SMPX: variants seen among roughly 807,000 people sequenced by gnomAD.
The protein encoded by SMPX is small muscular protein.
A neutral mutation model predicts 6.3 loss-of-function variants in SMPX; 2 were observed. The observed-to-expected ratio is 0.32, with a 90% CI of 0.13 to 0.99. The LOEUF (loss-of-function observed/expected upper bound fraction) is 0.99, where lower values mean the gene tolerates loss of function less well. SMPX is among the 50% of genes least tolerant of loss of function. SMPX has a pLI of 0.49. For synonymous variants in SMPX, 32 were observed against 24.7 expected, an observed-to-expected ratio of 1.30 and a Z score of -0.88; for missense variants, 60 against 66.8, an observed-to-expected ratio of 0.90 and a Z score of 0.36.
At chrX:21,731,562 TTATGTGTA>T (rs199796244) in intron 4 of SMPX, among the ~76,000 whole-genome samples, 4,713 of 51,043 alleles carry the variant, frequency 0.092, 714 homozygotes, top group East Asian at 0.25. Context: ...TATATACACA[TTATGTGTA>T]TATGTGTATA....
chrX:21,717,855 G>T (rs972873142), intron 4 of SMPX, among the ~76,000 whole-genome samples: 1 of 112,171 alleles, frequency 8.9e-6, no homozygotes, highest in Non-Finnish European at 1.9e-5. Flanking sequence ...TAATGAATAC[G>T]GGAGGGAACA....
intron 4 of SMPX, among the ~76,000 whole-genome samples, chrX:21,722,923 T>C (rs2092793301): frequency 8.9e-6 from 1 of 111,916 alleles, no homozygotes; most frequent in South Asian, 3.8e-4. Context: ...TGCCTGACCA[T>C]TGGAAGCACT....
intron 4 of SMPX, among the ~76,000 whole-genome samples, chrX:21,719,548 G>GAA (rs1006812828): frequency 9.1e-6 from 1 of 109,377 alleles, no homozygotes; most frequent in African/African-American, 3.3e-5. Context: ...AGAAAAGAAA[G>GAA]AAAGAAAGAA....
At chrX:21,717,742 C>T (rs1473186292) in intron 4 of SMPX, among the ~76,000 whole-genome samples, 1 of 112,283 alleles carries the variant, frequency 8.9e-6, no homozygotes, top group African/African-American at 3.2e-5. Context: ...CTGGGACAAA[C>T]ACAGGAAGCC....
At position 21,732,424 on chromosome X, in the gene SMPX, A is replaced by G. The variant is rs530795154; in HGVS notation, c.*14+5125T>C. On this transcript the variant is annotated intron_variant, in intron 4 of 4. Coordinates refer to ENST00000379494, the MANE Select transcript of SMPX (RefSeq NM_014332.3). ...GGCCCATTACTGATTTTGGTCAACA[A>G]TGTTAACTATGGACCTTTTGAGAGA... Among the ~76,000 whole-genome samples the G allele has an allele frequency of 2.7e-4, 30 of 111,928 alleles. No homozygotes were observed. The South Asian group carries it at 0.01, about 38-fold the overall frequency.
chrX:21,712,850 A>G, intron 4 of SMPX, among the ~76,000 whole-genome samples: 1 of 112,640 alleles, frequency 8.9e-6, no homozygotes, highest in African/African-American at 3.2e-5. Context: ...GCATAGAGAC[A>G]ATGGTGATTG....
At chrX:21,747,255 AGGTT>A (rs2092822581) in intron 2 of SMPX, among the ~76,000 whole-genome samples, 1 of 109,864 alleles carries the variant, frequency 9.1e-6, no homozygotes, top group Non-Finnish European at 1.9e-5. Context: ...TCCCTCCCTG[AGGTT>A]TATTCATTTT....
chrX:21,731,534 A>G (rs1569306562), intron 4 of SMPX, among the ~76,000 whole-genome samples: 1 of 84,351 alleles, frequency 1.2e-5, no homozygotes. Flanking sequence ...ACACATACAC[A>G]TTATGTGTGT....
intron 4 of SMPX, among the ~76,000 whole-genome samples, chrX:21,737,036 G>A (rs773314688): frequency 8.9e-6 from 1 of 111,843 alleles, no homozygotes; most frequent in African/African-American, 3.2e-5. Context: ...ACCTAGAGTC[G>A]TTATGGCATC....
intron 4 of SMPX, among the ~76,000 whole-genome samples, chrX:21,714,939 A>ATGTT (rs751455134): frequency 1.8e-5 from 2 of 111,478 alleles, no homozygotes; most frequent in African/African-American, 3.3e-5. Context: ...TTGCTATTTA[A>ATGTT]TGTTTGTTTG....
At chrX:21,726,933 G>C (rs2092797582) in intron 4 of SMPX, among the ~76,000 whole-genome samples, 1 of 112,020 alleles carries the variant, frequency 8.9e-6, no homozygotes, top group African/African-American at 3.2e-5. Flanking sequence ...ATCCTGTCTA[G>C]ACTCTTTCTT....
chrX:21,754,114 T>C (rs2092830256), intron 2 of SMPX, 132 bp downstream of exon 2: 1 of 610,582 alleles, frequency 1.6e-6, no homozygotes, highest in South Asian at 2.3e-5. Flanking sequence ...TTTATATCCT[T>C]TCTCAATTGT....
chrX:21,733,868 C>T (rs2092807702), intron 4 of SMPX: 3 of 264,020 alleles, frequency 1.1e-5, no homozygotes, highest in Non-Finnish European at 2.1e-5. Flanking sequence ...CTAGACTGGT[C>T]TAATTATTAA....
chrX:21,725,722 CTGG>C (rs1250105367), intron 4 of SMPX, among the ~76,000 whole-genome samples: 1 of 112,311 alleles, frequency 8.9e-6, no homozygotes, highest in Non-Finnish European at 1.9e-5. Flanking sequence ...ATCTCATGAA[CTGG>C]CTCAAGCTCA....
At chrX:21,742,178 C>G (rs940184666) in intron 3 of SMPX, among the ~76,000 whole-genome samples, 4 of 111,887 alleles carry the variant, frequency 3.6e-5, no homozygotes, top group African/African-American at 1.3e-4. Flanking sequence ...GTGACAGACA[C>G]AGTTTAAGAG....
At chrX:21,721,780 GT>G (rs1220426233) in intron 4 of SMPX, among the ~76,000 whole-genome samples, 1 of 112,338 alleles carries the variant, frequency 8.9e-6, no homozygotes, top group Non-Finnish European at 1.9e-5. Context: ...ACAAACGATG[GT>G]TCTCACCCAA....
intron 4 of SMPX, among the ~76,000 whole-genome samples, chrX:21,716,434 A>G (rs893182613): frequency 2.7e-5 from 3 of 111,846 alleles, no homozygotes; most frequent in African/African-American, 9.8e-5. Context: ...CCTGCTTTCC[A>G]CTTATGCTAC....
At chrX:21,710,806 G>A (rs780567688) in intron 4 of SMPX, among the ~76,000 whole-genome samples, 4 of 111,724 alleles carry the variant, frequency 3.6e-5, no homozygotes, top group Non-Finnish European at 7.5e-5. Flanking sequence ...AACAGCTGAT[G>A]GTGGCAGTAC....
intron 3 of SMPX, among the ~76,000 whole-genome samples, chrX:21,742,837 C>A (rs930417098): frequency 4.5e-5 from 5 of 112,339 alleles, no homozygotes; most frequent in African/African-American, 1.6e-4. Flanking sequence ...AAAAATGTCA[C>A]TTGGTAAACT....
Sources: allele counts gnomAD v4.1 joint callset (sites outside exome capture counted in the v4.1 genomes callset), GRCh38; gene constraint gnomAD v4.1.1; transcripts MANE v1.5; gene names NCBI Gene and HGNC (gene_info 2026-07-23, HGNC 2026-07-21).